The following ABCA13 variants were observed in gnomAD, a reference collection of about 807,000 sequenced individuals.
The protein encoded by ABCA13 is ATP binding cassette subfamily A member 13, also known as ATP-binding cassette sub-family A member 13.
In ABCA13, 476 loss-of-function variants were observed where a neutral mutation model predicts 478.7. That is an observed-to-expected ratio of 0.99 (90% CI 0.92 to 1.07). The LOEUF (loss-of-function observed/expected upper bound fraction) is 1.07, where lower values mean the gene tolerates loss of function less well. Among genes scored for constraint, ABCA13 ranks in the 50% least tolerant of loss-of-function variants. The probability of loss-of-function intolerance (pLI) is 0.00; values close to 1 mark genes in which losing one functional copy is unlikely to be tolerated. For missense variants in ABCA13, 6,060 were observed against 5,910.6 expected (o/e 1.03, Z -0.83); for synonymous variants, 2,252 against 2,158.9 (o/e 1.04, Z -1.20).
intron 36 of ABCA13, among the ~76,000 whole-genome samples, chr7:48,388,446 G>A (rs1200248760): frequency 6.6e-6 from 1 of 152,216 alleles, no homozygotes; most frequent in African/African-American, 2.4e-5. Context: ...GGGCAGGACT[G>A]TCCCTGTGCC....
chr7:48,365,354 C>T (rs1811509972), intron 31 of ABCA13, among the ~76,000 whole-genome samples: 1 of 152,246 alleles, frequency 6.6e-6, no homozygotes, highest in South Asian at 2.1e-4. Context: ...TATTTTCTCC[C>T]ATTCTGTAGG....
At chr7:48,592,607 A>C (rs1438411919) in intron 57 of ABCA13, among the ~76,000 whole-genome samples, 1 of 151,948 alleles carries the variant, frequency 6.6e-6, no homozygotes, top group Non-Finnish European at 1.5e-5. Context: ...TCTAAAGGGT[A>C]GTTCAAGTAC....
chr7:48,357,641 A>G (rs1273835430), intron 31 of ABCA13, among the ~76,000 whole-genome samples: 1 of 151,968 alleles, frequency 6.6e-6, no homozygotes, highest in Non-Finnish European at 1.5e-5. Flanking sequence ...ATTTAAAAAA[A>G]TCATCTCACT....
intron 15 of ABCA13, among the ~76,000 whole-genome samples, chr7:48,251,426 G>T (rs1366238972): frequency 6.6e-6 from 1 of 152,140 alleles, no homozygotes; most frequent in East Asian, 1.9e-4. Flanking sequence ...TTCATTTTCA[G>T]ATGAGAAAAT....
intron 6 of ABCA13, among the ~76,000 whole-genome samples, chr7:48,228,299 G>A (rs1788540483): frequency 6.6e-6 from 1 of 152,100 alleles, no homozygotes; most frequent in Non-Finnish European, 1.5e-5. Context: ...GGGGTGAAGG[G>A]GATGTGTCCA....
chr7:48,486,832 G>C (rs1829351249), intron 47 of ABCA13, among the ~76,000 whole-genome samples: 1 of 152,148 alleles, frequency 6.6e-6, no homozygotes, highest in African/African-American at 2.4e-5. Flanking sequence ...TGTTGCATCT[G>C]ATGATAGCAG....
intron 19 of ABCA13, among the ~76,000 whole-genome samples, chr7:48,282,938 G>A (rs1381970694): frequency 6.6e-6 from 1 of 152,228 alleles, no homozygotes; most frequent in East Asian, 1.9e-4. Flanking sequence ...TTTGTTGAAT[G>A]AATGAATAAG....
intron 42 of ABCA13, among the ~76,000 whole-genome samples, chr7:48,442,003 A>G (rs537488629): frequency 1.3e-5 from 2 of 152,216 alleles, no homozygotes; most frequent in African/African-American, 2.4e-5. Context: ...TGCTCAGAAG[A>G]GCTGAGAGGC....
intron 37 of ABCA13, among the ~76,000 whole-genome samples, chr7:48,390,657 C>G (rs772036414): frequency 5.9e-5 from 9 of 152,166 alleles, no homozygotes; most frequent in Non-Finnish European, 1.3e-4. Context: ...CTCTTTGTCA[C>G]TAAAAACTAG....
chr7:48,528,117 A>G, intron 54 of ABCA13, 119 bp from the exon 55 acceptor site: 1 of 778,184 alleles, frequency 1.3e-6, no homozygotes, highest in Non-Finnish European at 2.1e-6. Flanking sequence ...CAGCAAAGTC[A>G]ACTCAAAGTT....
intron 42 of ABCA13, among the ~76,000 whole-genome samples, chr7:48,445,849 C>A (rs1824228769): frequency 1.3e-5 from 2 of 152,068 alleles, no homozygotes; most frequent in South Asian, 4.2e-4. Context: ...GGTTTCTTGC[C>A]TGACTAACAG....
At chr7:48,372,998 A>T (rs1017440878) in intron 33 of ABCA13, among the ~76,000 whole-genome samples, 2 of 152,218 alleles carry the variant, frequency 1.3e-5, no homozygotes, top group African/African-American at 4.8e-5. Flanking sequence ...AACATAAAAA[A>T]GTATTCATTC....
intron 1 of ABCA13, among the ~76,000 whole-genome samples, chr7:48,191,607 C>T (rs1397334055): frequency 1.3e-5 from 2 of 152,048 alleles, no homozygotes; most frequent in African/African-American, 2.4e-5. Context: ...GCAGTTTCAC[C>T]GTGTTGGCCA....
intron 24 of ABCA13, among the ~76,000 whole-genome samples, chr7:48,311,060 C>T (rs1801704842): frequency 6.6e-6 from 1 of 152,096 alleles, no homozygotes; most frequent in South Asian, 2.1e-4. Flanking sequence ...ATTGTTTTCC[C>T]TTTAGGGAAG....
Position 48,269,216 on chromosome 7 carries a change from C to CT in ABCA13, c.2120+125dup, listed in dbSNP as rs1246485936. The CT allele has an allele frequency of 5.0e-6, 3 of 599,146 alleles. No individual in the cohort carries two copies. The South Asian group carries it at 6.6e-5, about 13-fold the overall frequency. The allele number at this position is 599,146 out of a possible 1,614,324, so 37.1% of individuals were successfully genotyped here. A position where few individuals can be genotyped will look rare whatever the true frequency, so the allele number is the denominator to read the frequency against. ...AGCCTGATTTAGATATTGACACAAT[C>CT]TTTCATATGAGCTGTTCAATAAATA... On this transcript the variant is annotated intron_variant, in intron 16 of 61. Transcript: ENST00000435803.
chr7:48,558,257 T>C (rs1461618641), intron 55 of ABCA13, among the ~76,000 whole-genome samples: 2 of 148,788 alleles, frequency 1.3e-5, no homozygotes, highest in East Asian at 3.9e-4. Flanking sequence ...TTTTTCTTTT[T>C]TTTTTTTTGA....
At chr7:48,345,178 C>A (rs1197222489) in intron 29 of ABCA13, among the ~76,000 whole-genome samples, 2 of 152,174 alleles carry the variant, frequency 1.3e-5, no homozygotes, top group African/African-American at 2.4e-5. Flanking sequence ...TACTGCACTG[C>A]CAGTCATATA....
intron 27 of ABCA13, among the ~76,000 whole-genome samples, chr7:48,328,754 C>G (rs1265752635): frequency 1.3e-5 from 2 of 151,754 alleles, no homozygotes; most frequent in Admixed American, 6.6e-5. Context: ...TAAAAAAACC[C>G]AAGATGTATT....
intron 20 of ABCA13, among the ~76,000 whole-genome samples, chr7:48,294,858 C>T (rs541700851): frequency 1.8e-4 from 27 of 152,296 alleles, no homozygotes; most frequent in African/African-American, 6.3e-4. Flanking sequence ...CTGGGTTCAT[C>T]CATGTTGCTG....
Sources: gnomAD v4.1 joint callset for allele counts (sites outside exome capture counted in the v4.1 genomes callset) on GRCh38, gnomAD v4.1.1 for gene constraint, MANE v1.5 for transcripts, NCBI Gene and HGNC (gene_info 2026-07-23, HGNC 2026-07-21) for gene names.